The following NAAA variants were observed in gnomAD, a reference collection of about 807,000 sequenced individuals.
NAAA encodes N-acylethanolamine-hydrolyzing acid amidase.
A neutral mutation model predicts 44.8 loss-of-function variants in NAAA; 39 were observed. The ratio of observed to expected loss-of-function variants is 0.87; its 90% CI spans 0.67 to 1.14. The LOEUF (loss-of-function observed/expected upper bound fraction) is 1.14. Ranked by LOEUF, NAAA falls within the 50% of genes most tolerant of loss-of-function variation. The probability of loss-of-function intolerance (pLI) is 0.00; values close to 1 mark genes in which losing one functional copy is unlikely to be tolerated. For missense variants in NAAA, 460 were observed against 467.8 expected (o/e 0.98, Z 0.15); for synonymous variants, 178 against 191.3 (o/e 0.93, Z 0.58).
chr4:75,937,502 T>C (rs1727840048), intron 2 of NAAA, among the ~76,000 whole-genome samples: 1 of 152,068 alleles, frequency 6.6e-6, no homozygotes, highest in Non-Finnish European at 1.5e-5. Context: ...TATTTATTTA[T>C]TTATTTATTT....
intron 4 of NAAA, among the ~76,000 whole-genome samples, chr4:75,930,164 GACGAGCAACACTAA>G (rs1727101503): frequency 6.6e-6 from 1 of 152,082 alleles, no homozygotes; most frequent in Non-Finnish European, 1.5e-5. Flanking sequence ...GGGTTCATCA[GACGAGCAACACTAA>G]ACTTCAAGAT....
intron 7 of NAAA, 31 bp downstream of exon 7, chr4:75,920,707 A>T (rs773281601): frequency 6.2e-7 from 1 of 1,613,886 alleles, no homozygotes; most frequent in Non-Finnish European, 8.5e-7. Context: ...ATAAGAAAAC[A>T]CTGCAAACCA....
chr4:75,924,549 T>A (rs1726478132), intron 5 of NAAA, among the ~76,000 whole-genome samples: 1 of 152,244 alleles, frequency 6.6e-6, no homozygotes, highest in African/African-American at 2.4e-5. Flanking sequence ...CACATTTTAA[T>A]AGGTTCTTGT....
At chr4:75,927,719 C>T (rs1170208150) in intron 4 of NAAA, among the ~76,000 whole-genome samples, 1 of 131,846 alleles carries the variant, frequency 7.6e-6, no homozygotes, top group East Asian at 2.4e-4. Context: ...TAACATATCA[C>T]AATTAGATTG....
At chr4:75,927,175 C>T (rs567091680) in intron 4 of NAAA, among the ~76,000 whole-genome samples, 8 of 152,208 alleles carry the variant, frequency 5.3e-5, no homozygotes, top group African/African-American at 1.9e-4. Context: ...TACTATTGGC[C>T]AGGTATAGTG....
downstream of NAAA, among the ~76,000 whole-genome samples, chr4:75,913,336 T>G (rs757913377): frequency 6.6e-6 from 1 of 151,990 alleles, no homozygotes; most frequent in African/African-American, 2.4e-5. Context: ...CAAACCCTCT[T>G]TGGGAAAAGC....
At chr4:75,935,973 G>A in intron 3 of NAAA, 136 bp downstream of exon 3, 1 of 973,178 alleles carries the variant, frequency 1.0e-6, no homozygotes, top group South Asian at 1.5e-5. Context: ...CTCTCTTCTG[G>A]CTTTGTTTTT....
intron 5 of NAAA, among the ~76,000 whole-genome samples, chr4:75,925,405 C>G (rs2149261607): frequency 6.6e-6 from 1 of 152,314 alleles, no homozygotes; most frequent in East Asian, 1.9e-4. Context: ...CGCCTTTCCA[C>G]TTTTCACTTC....
chr4:75,921,947 G>T (rs77628017), intron 5 of NAAA, among the ~76,000 whole-genome samples: 3,493 of 152,244 alleles, frequency 0.023, 133 homozygotes, highest in African/African-American at 0.079. Context: ...TTCCATATGG[G>T]CTCCTTCCTA....
intron 9 of NAAA, among the ~76,000 whole-genome samples, chr4:75,916,103 T>C (rs1578032618): frequency 6.6e-6 from 1 of 152,346 alleles, no homozygotes; most frequent in East Asian, 1.9e-4. Context: ...ATTACTGTTT[T>C]AGTATTTTCT....
chr4:75,914,511 T>A (rs1018308728), intron 10 of NAAA, among the ~76,000 whole-genome samples, 173 bp from the exon 11 acceptor site: 6 of 151,882 alleles, frequency 4.0e-5, no homozygotes, highest in Non-Finnish European at 8.8e-5. Context: ...GTAGTCGGGA[T>A]TTTGGGTACC....
At chr4:75,911,896 A>G (rs1725340329), downstream of NAAA, among the ~76,000 whole-genome samples, 1 of 152,190 alleles carries the variant, frequency 6.6e-6, no homozygotes, top group Non-Finnish European at 1.5e-5. Context: ...GGCAGAGGTT[A>G]GTCTGAGGGT....
chr4:75,917,542 T>A (rs1217111526), intron 9 of NAAA: 2 of 173,824 alleles, frequency 1.2e-5, no homozygotes, highest in African/African-American at 4.8e-5. Context: ...TCAGCTCACT[T>A]GCAGCCTCGA....
Position 75,920,757 on chromosome 4 carries a change from G to T in NAAA, c.883C>A (p.Pro295Thr). 6.2e-7 allele frequency: 1 copy of T among 1,614,200 alleles called. No individual in the cohort carries two copies. The highest frequency in any genetic ancestry group is 1.1e-5 in the South Asian group (1 of 91,086). ...GCCTACCTCCGGTCATCTTCCTTGG[G>T]TGCTGGCTTCCAGTGGTCGTAATTT... Reference protein sequence around the residue: ...ETNYDHWKPAPKEDDRRTSAI... With the variant: ...ETNYDHWKPATKEDDRRTSAI... The change falls in exon 7 of 11, where the codon CCC becomes ACC. Residue 295 changes from proline (P) to threonine (T), a missense_variant. Coordinates refer to ENST00000286733, the MANE Select transcript of NAAA (RefSeq NM_014435.4).
intron 2 of NAAA, among the ~76,000 whole-genome samples, chr4:75,938,701 C>G (rs981111105): frequency 3.9e-5 from 6 of 152,206 alleles, no homozygotes; most frequent in African/African-American, 1.4e-4. Context: ...TGAAGCTAGT[C>G]TGCTGGCAAA....
In NAAA at chr4:75,913,692, C is replaced by T; in HGVS notation, c.*683G>A. 1.0e-6 allele frequency: 1 copy of T among 983,188 alleles called. No individual in the cohort carries two copies. The highest frequency in any genetic ancestry group is 1.2e-6 in the Non-Finnish European group (1 of 827,956). The allele number at this position is 983,188 out of a possible 1,614,324, so 60.9% of individuals were successfully genotyped here. ...GAAATTTTTTTATTCTCCTTGCCAA[C>T]ATTTCTTTTGACATTTTATTACTTA... On this transcript the variant is annotated 3_prime_UTR_variant, in exon 11 of 11. Transcript: ENST00000286733.
intron 1 of NAAA, chr4:75,940,377 C>A (rs1728154724): frequency 3.4e-6 from 2 of 589,900 alleles, no homozygotes; most frequent in Admixed American, 6.1e-5. Flanking sequence ...GGTAAGAAAA[C>A]TCCGAATGGG....
At chr4:75,928,610 G>C (rs1181920742) in intron 4 of NAAA, among the ~76,000 whole-genome samples, 1 of 152,190 alleles carries the variant, frequency 6.6e-6, no homozygotes, top group Non-Finnish European at 1.5e-5. Context: ...GTAGACGTCA[G>C]AGTGGAGATG....
downstream of NAAA, among the ~76,000 whole-genome samples, chr4:75,912,728 T>C (rs1246138516): frequency 6.6e-6 from 1 of 151,858 alleles, no homozygotes; most frequent in African/African-American, 2.4e-5. Flanking sequence ...GGGCCGAGAT[T>C]GCACCACTGC....
Sources: allele counts gnomAD v4.1 joint callset (sites outside exome capture counted in the v4.1 genomes callset), GRCh38; gene constraint gnomAD v4.1.1; transcripts MANE v1.5; gene names NCBI Gene and HGNC (gene_info 2026-07-23, HGNC 2026-07-21).